TULP4: variants seen among roughly 807,000 people sequenced by gnomAD.
TULP4 encodes the protein tubby-related protein 4.
TULP4 carries 16 observed loss-of-function variants against 129.0 expected under a neutral mutation model. The observed-to-expected ratio is 0.12, with a 90% CI of 0.08 to 0.19. The LOEUF (loss-of-function observed/expected upper bound fraction) is 0.19. Among genes scored for constraint, TULP4 ranks in the 10% least tolerant of loss-of-function variants. The probability of loss-of-function intolerance (pLI) is 1.00; values close to 1 mark genes in which losing one functional copy is unlikely to be tolerated. For missense variants in TULP4, 1,842 were observed against 2,059.1 expected, an observed-to-expected ratio of 0.89 and a Z score of 2.04; for synonymous variants, 998 against 854.0, an observed-to-expected ratio of 1.17 and a Z score of -2.94.
chr6:158,439,772 T>C (rs561044758), intron 3 of TULP4, among the ~76,000 whole-genome samples: 203 of 125,378 alleles, frequency 1.6e-3, no homozygotes, highest in Non-Finnish European at 2.4e-3. Context: ...AGTGCAGTGG[T>C]GCGATCTCGG....
chr6:158,243,162 A>T (rs1172656948), intron 1 of TULP4, among the ~76,000 whole-genome samples: 2 of 152,154 alleles, frequency 1.3e-5, no homozygotes, highest in Non-Finnish European at 2.9e-5. Flanking sequence ...CAGCTTTGGC[A>T]ATTTTAAAAC....
intron 1 of TULP4, among the ~76,000 whole-genome samples, chr6:158,405,413 C>T (rs531578163): frequency 4.0e-5 from 6 of 151,804 alleles, no homozygotes; most frequent in South Asian, 2.1e-4. Context: ...GCGAAGGCCC[C>T]GAGCTCTGGG....
upstream of TULP4, among the ~76,000 whole-genome samples, chr6:158,280,025 C>T (rs530155210): frequency 6.6e-6 from 1 of 152,326 alleles, no homozygotes; most frequent in East Asian, 1.9e-4. Flanking sequence ...TGACTTTCTC[C>T]ATCCATAACT....
intron 3 of TULP4, among the ~76,000 whole-genome samples, chr6:158,442,538 A>G (rs556791415): frequency 1.5e-4 from 23 of 151,798 alleles, no homozygotes; most frequent in Non-Finnish European, 3.2e-4. Flanking sequence ...CAAAGTACAC[A>G]TGCACCTTCC....
At chr6:158,478,647 C>T (rs775024908) in intron 6 of TULP4, among the ~76,000 whole-genome samples, 21 of 152,170 alleles carry the variant, frequency 1.4e-4, no homozygotes, top group Non-Finnish European at 2.5e-4. Flanking sequence ...TCACCCCACC[C>T]TGCAACTGCC....
chr6:158,454,021 G>GCCC (rs938075482), intron 5 of TULP4, among the ~76,000 whole-genome samples: 1 of 107,128 alleles, frequency 9.3e-6, no homozygotes, highest in South Asian at 2.9e-4. Context: ...CCTCTGCACC[G>GCCC]CCCCCCCCCA....
rs1779427940 is a variant in TULP4 at position 158,314,008 on chromosome 6, G to A, written c.-9G>A. On this transcript the variant is annotated 5_prime_UTR_variant, in exon 1 of 14. Transcript: ENST00000367097. ...TACTTTTTAAGTAAAACAGTTCATT[G>A]AAGAAAGTATGTATGCAGCAGTGGA... 1 of 1,610,026 alleles carries A rather than the reference G, an allele frequency of 6.2e-7. No individual in the cohort carries two copies. Among genetic ancestry groups the A allele is most frequent in the African/African-American group, 1.3e-5 (1 of 74,818 alleles).
chr6:158,310,636 C>G (rs942861282), upstream of TULP4, among the ~76,000 whole-genome samples: 1 of 152,102 alleles, frequency 6.6e-6, no homozygotes, highest in African/African-American at 2.4e-5. Flanking sequence ...GGGACTGCCC[C>G]CATGATCCAA....
chr6:158,246,795 T>C (rs192567156), intron 1 of TULP4, among the ~76,000 whole-genome samples: 5 of 152,350 alleles, frequency 3.3e-5, no homozygotes, highest in Admixed American at 6.5e-5. Context: ...TCTATACTTA[T>C]GTGGTGTCAA....
chr6:158,501,635 G>T, intron 12 of TULP4, 43 bp from the exon 13 acceptor site: 1 of 1,566,878 alleles, frequency 6.4e-7, no homozygotes, highest in Non-Finnish European at 8.7e-7. Flanking sequence ...TGGTTTAATG[G>T]CAGTGTTTTT....
intron 1 of TULP4, among the ~76,000 whole-genome samples, chr6:158,350,176 G>A (rs939701632): frequency 4.6e-5 from 7 of 151,770 alleles, no homozygotes; most frequent in South Asian, 4.2e-4. Flanking sequence ...CGGGGCGGCC[G>A]GGCAGAGGCT....
chr6:158,490,311 A>C (rs1488702823), intron 9 of TULP4, among the ~76,000 whole-genome samples: 1 of 152,162 alleles, frequency 6.6e-6, no homozygotes. Context: ...CAGGAGAATC[A>C]CTTGAATCCG....
chr6:158,248,364 G>T (rs952358391), intron 1 of TULP4, among the ~76,000 whole-genome samples: 3 of 152,042 alleles, frequency 2.0e-5, no homozygotes, highest in Admixed American at 2.0e-4. Context: ...CTGCCTCCTG[G>T]GTTCACGCCA....
chr6:158,447,911 A>G (rs1000855296), intron 3 of TULP4, among the ~76,000 whole-genome samples: 3 of 152,228 alleles, frequency 2.0e-5, no homozygotes, highest in African/African-American at 7.2e-5. Flanking sequence ...GACACAAAAG[A>G]TGTAAAGTTT....
In TULP4 at chr6:158,493,818, G is replaced by A. The variant is rs546264905; in HGVS notation, c.1776+101G>A. The A allele has an allele frequency of 1.5e-6, 2 of 1,338,862 alleles. No individual in the cohort carries two copies. The highest frequency in any genetic ancestry group is 1.6e-5 in the South Asian group (1 of 62,494). 82.9% of individuals were successfully genotyped at this position (1,338,862 alleles called of 1,614,324 possible). On this transcript the variant is annotated intron_variant, in intron 10 of 13. Transcript: ENST00000367097. The surrounding 1 kb of genome is among the most constrained non-coding windows in gnomAD (Gnocchi z 4.4). ...GCCTGCACTGCTCACTGCCACCATG[G>A]GTCCCTGAGCTCTGCTCCACATCCT...
At chr6:158,495,807 T>C (rs1437043606) in intron 11 of TULP4, among the ~76,000 whole-genome samples, 1 of 150,790 alleles carries the variant, frequency 6.6e-6, no homozygotes, top group African/African-American at 2.4e-5. Flanking sequence ...GCCACTGCAC[T>C]CCAGCCTGGG....
intron 1 of TULP4, among the ~76,000 whole-genome samples, chr6:158,350,855 G>A (rs1444495512): frequency 2.6e-5 from 4 of 151,906 alleles, no homozygotes; most frequent in Non-Finnish European, 4.4e-5. Flanking sequence ...CCGCCTCCCG[G>A]TTTCCAGCGA....
Position 158,508,704 on chromosome 6 carries a change from C to T in TULP4, c.*2010C>T, listed in dbSNP as rs1298043912. The stretch of plus-strand genomic sequence containing the variant: ...TCTAAATGCAATTCCCCTGTTTTGT[C>T]GTTTAGGAGATAATTATTTATCTTG... On this transcript the variant is annotated 3_prime_UTR_variant, in exon 14 of 14. Transcript: ENST00000367097. The T allele has an allele frequency of 1.3e-5, 2 of 152,324 alleles. No homozygotes were observed. Among genetic ancestry groups the T allele is most frequent in the East Asian group, 1.9e-4 (1 of 5,180 alleles). The allele number at this position is 152,324 out of a possible 1,614,324, so 9.4% of individuals were successfully genotyped here.
intron 3 of TULP4, among the ~76,000 whole-genome samples, chr6:158,444,076 C>T (rs1270668865): frequency 6.6e-6 from 1 of 151,718 alleles, no homozygotes; most frequent in Non-Finnish European, 1.5e-5. Flanking sequence ...AAAAATTAGC[C>T]TGGCGTGGTG....
Sources: gnomAD v4.1 joint callset for allele counts (sites outside exome capture counted in the v4.1 genomes callset) on GRCh38, gnomAD v4.1.1 for gene constraint, Gnocchi (gnomAD v3.1) non-coding constraint, MANE v1.5 for transcripts, NCBI Gene and HGNC (gene_info 2026-07-23, HGNC 2026-07-21) for gene names.